The following ZDHHC14 variants were observed in gnomAD, a reference collection of about 807,000 sequenced individuals.
ZDHHC14 encodes the protein palmitoyltransferase ZDHHC14.
Under a neutral mutation model 47.7 loss-of-function variants are expected in ZDHHC14, and 16 were observed. The ratio of observed to expected loss-of-function variants is 0.34; its 90% confidence interval spans 0.23 to 0.51. The LOEUF (loss-of-function observed/expected upper bound fraction) is 0.51, where lower values mean the gene tolerates loss of function less well. ZDHHC14 is among the 20% of genes least tolerant of loss of function. The pLI, the probability that ZDHHC14 is intolerant of heterozygous loss-of-function variation, is 0.97. For synonymous variants in ZDHHC14, 293 were observed against 278.9 expected, an observed-to-expected ratio of 1.05 and a Z score of -0.50; for missense variants, 515 against 662.5, an observed-to-expected ratio of 0.78 and a Z score of 2.44.
chr6:157,567,042 G>T (rs899684454), intron 2 of ZDHHC14, among the ~76,000 whole-genome samples: 1 of 151,796 alleles, frequency 6.6e-6, no homozygotes, highest in Non-Finnish European at 1.5e-5. Flanking sequence ...GTAGAGACGG[G>T]GTTTCACCAT....
intron 1 of ZDHHC14, among the ~76,000 whole-genome samples, chr6:157,474,936 C>G (rs1779443796): frequency 6.6e-6 from 1 of 152,110 alleles, no homozygotes. Context: ...TTGCTTCTGT[C>G]TCCTGTGCTT....
chr6:157,597,221 C>G lies in ZDHHC14; in HGVS notation c.565+4075C>G, dbSNP rs147373785. ...TCTTCTCTCTCGGATCCTCATATCC[C>G]TCAAATCATTAAAGCGAGAGAAACT... On this transcript the variant is annotated intron_variant, in intron 3 of 8. Coordinates refer to ENST00000359775, the MANE Select transcript of ZDHHC14 (RefSeq NM_024630.3). Among the ~76,000 whole-genome samples the G allele has an allele frequency of 9.2e-3, 1,408 of 152,280 alleles. 21 individuals are homozygous for G. Among genetic ancestry groups the G allele is most frequent in the African/African-American group, 0.033 (1,352 of 41,540 alleles).
chr6:157,398,047 TCCCCAGCC>T (rs1777558118), intron 1 of ZDHHC14, among the ~76,000 whole-genome samples: 1 of 102,306 alleles, frequency 9.8e-6, no homozygotes, highest in Non-Finnish European at 2.0e-5. Context: ...GCTCCCCAGC[TCCCCAGCC>T]CCCCAGCTCC....
chr6:157,636,044 A>G (rs1205381491), intron 5 of ZDHHC14, among the ~76,000 whole-genome samples: 1 of 152,118 alleles, frequency 6.6e-6, no homozygotes, highest in African/African-American at 2.4e-5. Context: ...ACTCAGGGGC[A>G]GGGCAGCCAC....
intron 1 of ZDHHC14, among the ~76,000 whole-genome samples, chr6:157,385,910 C>T (rs1488636341): frequency 6.6e-6 from 1 of 152,118 alleles, no homozygotes; most frequent in African/African-American, 2.4e-5. Context: ...GCCTTAGTTT[C>T]CCAATCTGTA....
chr6:157,514,389 G>A (rs1338988795), intron 1 of ZDHHC14, among the ~76,000 whole-genome samples: 5 of 152,292 alleles, frequency 3.3e-5, no homozygotes, highest in South Asian at 2.1e-4. Flanking sequence ...ACACACAGTC[G>A]GCTGTGCAAA....
intron 1 of ZDHHC14, among the ~76,000 whole-genome samples, chr6:157,442,554 G>A (rs1430938818): frequency 5.3e-5 from 8 of 152,252 alleles, no homozygotes; most frequent in African/African-American, 1.7e-4. Context: ...GTGCCGGTTT[G>A]TTGGTGGCAA....
chr6:157,567,051 A>G (rs905714531), intron 2 of ZDHHC14, among the ~76,000 whole-genome samples: 1 of 151,910 alleles, frequency 6.6e-6, no homozygotes, highest in Admixed American at 6.6e-5. Context: ...GGGTTTCACC[A>G]TGTTGGCCAG....
rs1777025220 is a variant in ZDHHC14, at chr6:157,637,111, A to G, written c.752+4229A>G. On this transcript the variant is annotated intron_variant, in intron 5 of 8. Coordinates refer to ENST00000359775, the MANE Select transcript of ZDHHC14 (RefSeq NM_024630.3). ...TTTTGAAAAAACATTAGTTCTGGTT[A>G]TTAGAGAACCATGTGCTGAGTAGGG... 2.6e-5 allele frequency among the ~76,000 whole-genome samples: 4 copies of G among 152,216 alleles called. No homozygotes were observed. The South Asian group carries it at 8.3e-4, about 31-fold the overall frequency.
At chr6:157,640,501 C>T (rs1777197625) in intron 5 of ZDHHC14, among the ~76,000 whole-genome samples, 2 of 152,180 alleles carry the variant, frequency 1.3e-5, no homozygotes, top group Admixed American at 1.3e-4. Context: ...CCAACTTGTC[C>T]ATCCTGATAC....
chr6:157,612,629 G>A (rs571296313), intron 3 of ZDHHC14, among the ~76,000 whole-genome samples: 139 of 152,252 alleles, frequency 9.1e-4, no homozygotes, highest in Admixed American at 2.1e-3. Context: ...GACTCGAGTG[G>A]CCGATGTCTC....
chr6:157,390,490 C>T (rs1777401189), intron 1 of ZDHHC14, among the ~76,000 whole-genome samples: 1 of 151,968 alleles, frequency 6.6e-6, no homozygotes, highest in South Asian at 2.1e-4. Context: ...TCTTCAGTAC[C>T]TCTTTTCTTT....
chr6:157,650,845 C>T (rs984247947), intron 7 of ZDHHC14, among the ~76,000 whole-genome samples: 10 of 152,190 alleles, frequency 6.6e-5, no homozygotes, highest in African/African-American at 2.4e-4. Flanking sequence ...TCCTGTCTCC[C>T]CACCAGCTTG....
rs1375525663 is a variant in ZDHHC14 at position 157,584,849 on chromosome 6, T to C, written c.407-8139T>C. Among the ~76,000 whole-genome samples, 5 of 152,302 alleles carry C rather than the reference T, an allele frequency of 3.3e-5. No individual in the cohort carries two copies. The South Asian group carries it at 8.3e-4, about 25-fold the overall frequency. On this transcript the variant is annotated intron_variant, in intron 2 of 8. Coordinates refer to ENST00000359775, the MANE Select transcript of ZDHHC14 (RefSeq NM_024630.3). ...TCCACCAATTGGTTGGGGGACTATA[T>C]GAAGGAAGAGACCATTTTACATACT...
At chr6:157,626,419 G>A (rs987487482) in intron 3 of ZDHHC14, among the ~76,000 whole-genome samples, 4 of 152,116 alleles carry the variant, frequency 2.6e-5, no homozygotes, top group South Asian at 2.1e-4. Context: ...CTCTGTGCAC[G>A]TTGACACATA....
intron 2 of ZDHHC14, among the ~76,000 whole-genome samples, chr6:157,590,481 C>A (rs1783866370): frequency 6.6e-6 from 1 of 152,206 alleles, no homozygotes; most frequent in African/African-American, 2.4e-5. Context: ...GGGTGCAAGC[C>A]CCAAGCCTTG....
chr6:157,491,978 T>A (rs552913390), intron 1 of ZDHHC14, among the ~76,000 whole-genome samples: 17 of 152,288 alleles, frequency 1.1e-4, no homozygotes, highest in African/African-American at 3.8e-4. Flanking sequence ...CACTTCCTGG[T>A]CCCTACCACA....
In ZDHHC14 at chr6:157,485,837, T is replaced by G. The variant is rs145007807; in HGVS notation, c.246-56748T>G. Among the ~76,000 whole-genome samples the G allele has an allele frequency of 2.8e-3, 423 of 152,090 alleles. 4 individuals are homozygous for G. The highest frequency in any genetic ancestry group is 0.01 in the African/African-American group (418 of 41,462). On this transcript the variant is annotated intron_variant, in intron 1 of 8. Coordinates refer to ENST00000359775, the MANE Select transcript of ZDHHC14 (RefSeq NM_024630.3). The stretch of plus-strand genomic sequence containing the variant: ...ACCAGCCTGGCCAACATGGTGAAAC[T>G]CCGTCTCCACTAAAAATACAAAAAT...
chr6:157,418,476 G>A (rs767681735), intron 1 of ZDHHC14, among the ~76,000 whole-genome samples: 15 of 152,156 alleles, frequency 9.9e-5, no homozygotes, highest in Non-Finnish European at 2.1e-4. Flanking sequence ...AACAGGACAT[G>A]TTTTTATTTG....
Sources: gnomAD v4.1 joint callset for allele counts (sites outside exome capture counted in the v4.1 genomes callset) on GRCh38, gnomAD v4.1.1 for gene constraint, MANE v1.5 for transcripts, NCBI Gene and HGNC (gene_info 2026-07-23, HGNC 2026-07-21) for gene names.